Variants in VWA2 observed in about 807,000 individuals in gnomAD.
The protein encoded by VWA2 is von Willebrand factor A domain containing 2.
In VWA2, 73 loss-of-function variants were observed where a neutral mutation model predicts 70.4. The ratio of observed to expected loss-of-function variants is 1.04; its 90% confidence interval spans 0.86 to 1.26. The LOEUF is 1.26. VWA2 is among the 50% of genes most tolerant of loss of function. VWA2 has a pLI of 0.00. For missense variants in VWA2, 1,011 were observed against 998.5 expected (o/e 1.01, Z -0.17); for synonymous variants, 407 against 423.3 (o/e 0.96, Z 0.47).
chr10:114,239,863 G>A (rs887733844), intron 1 of VWA2, among the ~76,000 whole-genome samples: 1 of 152,230 alleles, frequency 6.6e-6, no homozygotes, highest in Admixed American at 6.5e-5. Flanking sequence ...GGAGGGGTGC[G>A]GTCAGCAGGT....
At chr10:114,281,696 G>T in intron 8 of VWA2, 1 of 981,882 alleles carries the variant, frequency 1.0e-6, no homozygotes, top group African/African-American at 1.7e-5. Flanking sequence ...GCACACCTGG[G>T]GTGGAGGGGC....
intron 1 of VWA2, among the ~76,000 whole-genome samples, chr10:114,248,338 A>G (rs1467837578): frequency 6.6e-6 from 1 of 152,164 alleles, no homozygotes; most frequent in Non-Finnish European, 1.5e-5. Context: ...CTGAGAAAGA[A>G]GTGACTTTGC....
At chr10:114,248,272 T>G (rs2037116361) in intron 1 of VWA2, among the ~76,000 whole-genome samples, 3 of 152,136 alleles carry the variant, frequency 2.0e-5, no homozygotes, top group Admixed American at 6.5e-5. Context: ...ATGAGGACAT[T>G]GAAAATCAGA....
chr10:114,275,972 A>G (rs1004403127), intron 6 of VWA2, among the ~76,000 whole-genome samples: 15 of 152,340 alleles, frequency 9.8e-5, no homozygotes, highest in African/African-American at 3.1e-4. Flanking sequence ...AAATAAACAC[A>G]ATATAAATTC....
At chr10:114,242,706 C>T (rs1352315571) in intron 1 of VWA2, among the ~76,000 whole-genome samples, 1 of 152,000 alleles carries the variant, frequency 6.6e-6, no homozygotes, top group Non-Finnish European at 1.5e-5. Flanking sequence ...CGCTCTGTGG[C>T]CTTGGGTCTC....
intron 11 of VWA2, among the ~76,000 whole-genome samples, chr10:114,287,661 T>G (rs1346394276): frequency 6.6e-6 from 1 of 152,164 alleles, no homozygotes. Context: ...TCTAAGTGCT[T>G]TTGTTCTGCT....
At position 114,288,975 on chromosome 10, in the gene VWA2, G is replaced by A. The variant is rs1275281149; in HGVS notation, c.1608G>A (p.Leu536=). 4.3e-6 allele frequency: 7 copies of A among 1,613,434 alleles called. No individual in the cohort carries two copies. In the Admixed American group the frequency reaches 8.3e-5, roughly 19 times the overall value. Residue 536 remains leucine, a synonymous_variant, in exon 12 of 14, where the codon TTG becomes TTA. Transcript: ENST00000392982. ...RTQALDLVFM[L]DTSASVGPEN... ...AAGCCCTGGACCTCGTCTTCATGTT[G>A]GACACCTCTGCCTCAGTAGGGCCCG...
intron 13 of VWA2, 131 bp from the exon 14 acceptor site, chr10:114,291,087 C>A: frequency 9.5e-7 from 1 of 1,052,946 alleles, no homozygotes; most frequent in Non-Finnish European, 1.4e-6. Context: ...GGTCTCTAAT[C>A]TGGCATCTTC....
At chr10:114,264,396 G>A (rs1025405822) in intron 5 of VWA2, among the ~76,000 whole-genome samples, 1 of 128,120 alleles carries the variant, frequency 7.8e-6, no homozygotes, top group African/African-American at 2.8e-5. Context: ...GGCATAGCAG[G>A]TCATATACTA....
chr10:114,249,663 G>A (rs777105057), intron 2 of VWA2, among the ~76,000 whole-genome samples: 2 of 152,212 alleles, frequency 1.3e-5, no homozygotes, highest in Admixed American at 6.5e-5. Context: ...TGCAAAGGAC[G>A]TGATCTTGTT....
chr10:114,293,990 A>G lies in VWA2; in HGVS notation c.*2753A>G, dbSNP rs2039836800. The stretch of plus-strand genomic sequence containing the variant: ...GAATGCTTAATTCCTAGATGAACTA[A>G]GAGTGTTTATTACATGTTGAGATTT... On this transcript the variant is annotated 3_prime_UTR_variant, in exon 14 of 14. Coordinates refer to ENST00000392982, the MANE Select transcript of VWA2 (RefSeq NM_001272046.2). Among the ~76,000 whole-genome samples the G allele has an allele frequency of 6.6e-6, 1 of 152,202 alleles. No homozygotes were observed.
At chr10:114,239,844 G>T (rs994124569) in intron 1 of VWA2, among the ~76,000 whole-genome samples, 1 of 152,218 alleles carries the variant, frequency 6.6e-6, no homozygotes, top group Non-Finnish European at 1.5e-5. Flanking sequence ...GCGAGCTGGC[G>T]GGGTTTTGGG....
intron 4 of VWA2, 148 bp from the exon 5 acceptor site, chr10:114,261,038 C>G: frequency 1.6e-6 from 1 of 607,662 alleles, no homozygotes; most frequent in Non-Finnish European, 2.9e-6. Context: ...TTGGAACCTC[C>G]TTCTAGGGAG....
chr10:114,241,759 G>A (rs1405686178), intron 1 of VWA2, among the ~76,000 whole-genome samples: 1 of 152,190 alleles, frequency 6.6e-6, no homozygotes, highest in South Asian at 2.1e-4. Flanking sequence ...GCAACACTAC[G>A]AGGTTGTTTT....
intron 8 of VWA2, among the ~76,000 whole-genome samples, chr10:114,280,381 C>T (rs1272469182): frequency 6.6e-6 from 1 of 151,756 alleles, no homozygotes; most frequent in Non-Finnish European, 1.5e-5. Context: ...ATAAACTGTT[C>T]AGTGGTAGCA....
chr10:114,280,328 G>A lies in VWA2; in HGVS notation c.833+1477G>A, dbSNP rs75525015. The stretch of plus-strand genomic sequence containing the variant: ...AACACATCTACCCTCACAAGCTGAC[G>A]CTCCAGTAATGGGAGGCAGTCATTC... On this transcript the variant is annotated intron_variant, in intron 8 of 13. Coordinates refer to ENST00000392982, the MANE Select transcript of VWA2 (RefSeq NM_001272046.2). Among the ~76,000 whole-genome samples, 24 of 152,310 alleles carry A rather than the reference G, an allele frequency of 1.6e-4. No homozygotes were observed. In the East Asian group the frequency reaches 2.3e-3, roughly 15 times the overall value.
chr10:114,281,759 C>T (rs2038136976), intron 8 of VWA2: 1 of 985,336 alleles, frequency 1.0e-6, no homozygotes, highest in Non-Finnish European at 1.2e-6. Flanking sequence ...GTGCTCTTCT[C>T]TCCCCATCGA....
At chr10:114,278,567 G>T in intron 7 of VWA2, 152 bp from the exon 8 acceptor site, 1 of 1,113,748 alleles carries the variant, frequency 9.0e-7, no homozygotes. Flanking sequence ...TTCACCCAGA[G>T]ATATGCCCTG....
chr10:114,271,504 T>C (rs2037708564), intron 5 of VWA2, among the ~76,000 whole-genome samples: 1 of 151,968 alleles, frequency 6.6e-6, no homozygotes, highest in African/African-American at 2.4e-5. Flanking sequence ...GGTGGAACCA[T>C]AACATGAAAG....
Sources: gnomAD v4.1 joint callset for allele counts (sites outside exome capture counted in the v4.1 genomes callset) on GRCh38, gnomAD v4.1.1 for gene constraint, MANE v1.5 for transcripts, NCBI Gene and HGNC (gene_info 2026-07-23, HGNC 2026-07-21) for gene names.